FLG: variants seen among roughly 807,000 people sequenced by gnomAD.
FLG encodes epidermal filaggrin.
Under a neutral mutation model 3.8 loss-of-function variants are expected in FLG, and 6 were observed. The ratio of observed to expected loss-of-function variants is 1.60; its 90% CI spans 0.87 to 3.15. The LOEUF is 3.15. FLG is among the 30% of genes most tolerant of loss of function. The probability of loss-of-function intolerance (pLI) is 0.00; values close to 1 mark genes in which losing one functional copy is unlikely to be tolerated. For synonymous variants in FLG, 2,551 were observed against 1,931.6 expected, an observed-to-expected ratio of 1.32 and a Z score of -8.41; for missense variants, 7,595 against 5,050.9, an observed-to-expected ratio of 1.50 and a Z score of -15.27.
In FLG at chr1:152,315,309, A is replaced by G; in HGVS notation, c.138+10T>C. On this transcript the variant is annotated intron_variant, in intron 2 of 2. Coordinates refer to ENST00000368799, the MANE Select transcript of FLG (RefSeq NM_002016.2). Reference sequence around the variant, plus strand: ...AATGCTCTATCTTTGGTCTTGTCAGAGACTCTTACCTTCAGGATTTGCCGA... The same window carrying G: ...AATGCTCTATCTTTGGTCTTGTCAGGGACTCTTACCTTCAGGATTTGCCGA... 1 of 1,612,894 alleles carries G rather than the reference A, an allele frequency of 6.2e-7. No individual in the cohort carries two copies. Among genetic ancestry groups the G allele is most frequent in the Non-Finnish European group, 8.5e-7 (1 of 1,179,202 alleles).
In FLG at chr1:152,311,839, C is replaced by T; in HGVS notation, c.3047G>A (p.Gly1016Glu). The T allele has an allele frequency of 6.8e-6, 11 of 1,614,080 alleles. No individual in the cohort carries two copies. Among genetic ancestry groups the T allele is most frequent in the Non-Finnish European group, 9.3e-6 (11 of 1,180,004 alleles). Residue 1016 changes from glycine to glutamate, a missense_variant, in exon 3 of 3, where the codon GGA becomes GAA. Transcript: ENST00000368799. ...GTPHAETSSG[G>E]QAASSHEQAR... is the part of the protein sequence containing the mutation. The stretch of plus-strand genomic sequence containing the variant: ...CTGTTCATGGGATGACGCAGCCTGT[C>T]CACCAGAGGAAGTCTCTGCGTGAGG...
rs2101637757 is a variant in FLG at position 152,305,201 on chromosome 1, CAG to C, written c.9683_9684del (p.Ser3228Ter). 3.1e-6 allele frequency: 5 copies of C among 1,613,696 alleles called. No individual in the cohort carries two copies. The highest frequency in any genetic ancestry group is 4.2e-6 in the Non-Finnish European group (5 of 1,179,954). ...DSDSEGHSED[S>X]ERWSGSASRN... ...CTGGAAGCAGACCCAGACCACCTCT[CAG>C]AGTCTTCTGAATGTCCCTCACTGTC... On this transcript the variant is annotated frameshift_variant, in exon 3 of 3. Coordinates refer to ENST00000368799, the MANE Select transcript of FLG (RefSeq NM_002016.2). LOFTEE classifies it low-confidence loss of function (END_TRUNC).
In FLG at chr1:152,311,508, C is replaced by A. The variant is rs374063170; in HGVS notation, c.3378G>T (p.Gln1126His). Residue 1126 changes from glutamine to histidine, a missense_variant, in exon 3 of 3, where the codon CAG becomes CAT. Coordinates refer to ENST00000368799, the MANE Select transcript of FLG (RefSeq NM_002016.2). ...SFIYQVSTHE[Q>H]SESAHGRTRT... The stretch of plus-strand genomic sequence containing the variant: ...TGGTCCGCCCATGGGCAGACTCAGA[C>A]TGTTCATGAGTGCTCACCTGGTAGA... The A allele has an allele frequency of 6.2e-7, 1 of 1,613,960 alleles. No individual in the cohort carries two copies.
chr1:152,319,981 A>G (rs191164394), intron 1 of FLG, among the ~76,000 whole-genome samples: 3 of 151,478 alleles, frequency 2.0e-5, no homozygotes, highest in East Asian at 3.9e-4. Flanking sequence ...AATCCCAGAT[A>G]AGGCAGTGAG....
Position 152,310,584 on chromosome 1 carries a change from G to T in FLG, c.4302C>A (p.Ser1434Arg). 2 of 1,613,790 alleles carry T rather than the reference G, an allele frequency of 1.2e-6. No individual in the cohort carries two copies. The highest frequency in any genetic ancestry group is 8.5e-7 in the Non-Finnish European group (1 of 1,179,906). ...AGAGGAAAGACCTTGAACGTCCAGA[G>T]CTTTCCCCTGACTGGCCACGTGCGG... ...KESARGQSGESSGRSRSFLYQ... is the reference protein window; with the variant it reads ...KESARGQSGERSGRSRSFLYQ... Residue 1434 changes from serine to arginine, a missense_variant, in exon 3 of 3, where the codon AGC becomes AGA. Physicochemically the swap from Ser to Arg is moderately radical, Grantham distance 110 (BLOSUM62 -1). Transcript: ENST00000368799.
At position 152,304,768 on chromosome 1, in the gene FLG, C is replaced by T. The variant is rs550252644; in HGVS notation, c.10118G>A (p.Arg3373His). Residue 3373 changes from arginine to histidine, a missense_variant, in exon 3 of 3, where the codon CGT (arginine) becomes CAT (histidine). Physicochemically the swap from Arg to His is conservative, Grantham distance 29. Coordinates refer to ENST00000368799, the MANE Select transcript of FLG (RefSeq NM_002016.2). ...TCCAGACCTTCCCCCTGACCGGTCACGTGCGGACTCTTGGTGGCTCTGCTG... is the reference window on the plus strand; with the variant it reads ...TCCAGACCTTCCCCCTGACCGGTCATGTGCGGACTCTTGGTGGCTCTGCTG... ...PHQQSHQESA[R>H]DRSGGRSGRS... is the part of the protein sequence containing the mutation. The T allele has an allele frequency of 1.2e-5, 20 of 1,613,716 alleles. No homozygotes were observed. The highest frequency in any genetic ancestry group is 9.3e-5 in the African/African-American group (7 of 74,942).
Position 152,308,272 on chromosome 1 carries a change from T to G in FLG, c.6614A>C (p.His2205Pro). The G allele has an allele frequency of 6.2e-7, 1 of 1,613,124 alleles. No homozygotes were observed. Among genetic ancestry groups the G allele is most frequent in the South Asian group, 1.1e-5 (1 of 91,046 alleles). ...DKEQSGDGSRHSGSHHHEASS... is the reference protein window; with the variant it reads ...DKEQSGDGSRPSGSHHHEASS... ...AGCTTCATGATGATGCGACCCTGAG[T>G]GCCTAGAGCCATCTCCTGATTGTTC... The change falls in exon 3 of 3, where the codon CAC becomes CCC. Residue 2205 changes from histidine (H) to proline (P), a missense_variant. By Grantham distance (77) the His-to-Pro change is moderately conservative. Coordinates refer to ENST00000368799, the MANE Select transcript of FLG (RefSeq NM_002016.2).
In FLG at chr1:152,309,118, TC is replaced by T; in HGVS notation, c.5767del (p.Asp1923ThrfsTer172). Reference sequence around the variant, plus strand: ...AGAGTCTTCTGAGTGTCCCTGACTGTCACTGTCCTGGCTAACACTGGATCCC... The same window carrying T: ...AGAGTCTTCTGAGTGTCCCTGACTGTACTGTCCTGGCTAACACTGGATCCC... ...NQGSSVSQDSDSQGHSEDSER... is the reference protein window; with the variant it reads ...NQGSSVSQDSXSQGHSEDSER... On this transcript the variant is annotated frameshift_variant, in exon 3 of 3. Transcript: ENST00000368799. LOFTEE classifies it low-confidence loss of function (END_TRUNC). 6.2e-7 allele frequency: 1 copy of T among 1,613,828 alleles called. No individual in the cohort carries two copies. Among genetic ancestry groups the T allele is most frequent in the South Asian group, 1.1e-5 (1 of 91,078 alleles).
intron 1 of FLG, among the ~76,000 whole-genome samples, 190 bp from the exon 2 acceptor site, chr1:152,315,667 A>G (rs1213980007): frequency 6.6e-6 from 1 of 152,206 alleles, no homozygotes; most frequent in African/African-American, 2.4e-5. Context: ...CCTGACTTAA[A>G]TAAAATTGCC....
rs377051179 is a variant in FLG at position 152,302,907 on chromosome 1, G to T, written c.11979C>A (p.His3993Gln). The T allele has an allele frequency of 5.0e-6, 8 of 1,614,206 alleles. No individual in the cohort carries two copies. Among genetic ancestry groups the T allele is most frequent in the Non-Finnish European group, 6.8e-6 (8 of 1,180,036 alleles). ...TGTAACTAACACTTCCGTGCTGAGA[G>T]TGTCTAAACCCGGATTCACCATAAT... Reference protein sequence around the residue: ...DYDYGESGFRHSQHGSVSYNS... With the variant: ...DYDYGESGFRQSQHGSVSYNS... Residue 3993 changes from histidine (H) to glutamine (Q), a missense_variant, in exon 3 of 3, where the codon CAC (histidine) becomes CAA (glutamine). By Grantham distance (24) the His-to-Gln change is conservative (BLOSUM62 0). Coordinates refer to ENST00000368799, the MANE Select transcript of FLG (RefSeq NM_002016.2).
In FLG at chr1:152,304,878, A is replaced by G. The variant is rs1651842802; in HGVS notation, c.10008T>C (p.Ser3336=). 2.5e-6 allele frequency: 4 copies of G among 1,613,380 alleles called. No homozygotes were observed. Among genetic ancestry groups the G allele is most frequent in the African/African-American group, 1.3e-5 (1 of 74,794 alleles). Residue 3336 remains serine (S), a synonymous_variant, in exon 3 of 3, where the codon AGT becomes AGC. Coordinates refer to ENST00000368799, the MANE Select transcript of FLG (RefSeq NM_002016.2). The stretch of plus-strand genomic sequence containing the variant: ...CCTCACTATCACTGGCCTGACTACC[A>G]CTGGACCCCCAGTGTCTACTGTCTC... ...AVRDSRHWGS[S]GSQASDSEGH...
chr1:152,302,580 A>AT lies in FLG; in HGVS notation c.*119dup. ...CACCAAACTAATGAAATACTATAGC[A>AT]TATTTTAAACAGATTGACAGGAAAA... is the stretch of plus-strand genomic sequence containing the variant. On this transcript the variant is annotated 3_prime_UTR_variant, in exon 3 of 3. Transcript: ENST00000368799. The AT allele has an allele frequency of 1.6e-6, 2 of 1,273,986 alleles. No homozygotes were observed. Among genetic ancestry groups the AT allele is most frequent in the Non-Finnish European group, 2.2e-6 (2 of 927,940 alleles). The allele number at this position is 1,273,986 out of a possible 1,614,324, so 78.9% of individuals were successfully genotyped here. A position where few individuals can be genotyped will look rare whatever the true frequency, so the allele number is the denominator to read the frequency against.
chr1:152,308,241 A>G lies in FLG; in HGVS notation c.6645T>C (p.Ser2215=). 3.1e-6 allele frequency: 5 copies of G among 1,613,988 alleles called. No individual in the cohort carries two copies. In the East Asian group the frequency reaches 1.1e-4, roughly 36 times the overall value. ...GTGAGTGTCTAGAGCTGTCGGCCCA[A>G]GAGGAAGCTTCATGATGATGCGACC... The part of the protein sequence containing the change: ...HSGSHHHEAS[S]WADSSRHSLV... The change falls in exon 3 of 3, where the codon TCT becomes TCC. Residue 2215 remains serine (S), a synonymous_variant. Coordinates refer to ENST00000368799, the MANE Select transcript of FLG (RefSeq NM_002016.2).
Position 152,311,438 on chromosome 1 carries a change from G to C in FLG, c.3448C>G (p.Arg1150Gly), listed in dbSNP as rs755996559. 1.2e-6 allele frequency: 2 copies of C among 1,613,690 alleles called. No individual in the cohort carries two copies. The highest frequency in any genetic ancestry group is 2.7e-5 in the African/African-American group (2 of 74,908). ...GACGCTGAGTGCCTGGAGCTGTCTC[G>C]TGCCTGCTCGTGGTGGGATCCTTGT... is the stretch of plus-strand genomic sequence containing the variant. The part of the protein sequence containing the change: ...RRQGSHHEQA[R>G]DSSRHSASQE... Residue 1150 changes from arginine (R) to glycine (G), a missense_variant, in exon 3 of 3, where the codon CGA becomes GGA. Physicochemically the swap from Arg to Gly is moderately radical, Grantham distance 125. Transcript: ENST00000368799.
In FLG at chr1:152,303,898, T is replaced by C. The variant is rs757622402; in HGVS notation, c.10988A>G (p.Gln3663Arg). ...TGAATGTCCCTCACTGTCACTGGCC[T>C]GACTACCACTGGACCCTCGGTGTCC... ...DSGHRGSSGS[Q>R]ASDSEGHSED... The change falls in exon 3 of 3, where the codon CAG (glutamine) becomes CGG (arginine). Residue 3663 changes from glutamine to arginine, a missense_variant. Gln to Arg is a conservative substitution (Grantham distance 43). Transcript: ENST00000368799. 2.0e-5 allele frequency: 33 copies of C among 1,613,802 alleles called. No individual in the cohort carries two copies. Among genetic ancestry groups the C allele is most frequent in the Non-Finnish European group, 2.5e-5 (29 of 1,180,002 alleles).
Position 152,312,306 on chromosome 1 carries a change from C to T in FLG, c.2580G>A (p.Ser860=), listed in dbSNP as rs146300888. 7,188 of 1,613,388 alleles carry T rather than the reference C, an allele frequency of 4.5e-3. 39 individuals are homozygous for T. The highest frequency in any genetic ancestry group is 5.4e-3 in the Non-Finnish European group (6,354 of 1,179,772). The change falls in exon 3 of 3, where the codon TCG becomes TCA. Residue 860 remains serine, a synonymous_variant. Transcript: ENST00000368799. The part of the protein sequence containing the change: ...RGRQGSHHEQ[S]VDRSGHSGSH... ...ACCCTGAGTGTCCAGACCTATCTAC[C>T]GATTGCTCGTGGTGGGACCCCTGCC... is the stretch of plus-strand genomic sequence containing the variant.
rs754760489 is a variant in FLG at position 152,308,502 on chromosome 1, G to A, written c.6384C>T (p.His2128=). 5 of 1,613,686 alleles carry A rather than the reference G, an allele frequency of 3.1e-6. No individual in the cohort carries two copies. Among genetic ancestry groups the A allele is most frequent in the Admixed American group, 1.7e-5 (1 of 59,980 alleles). Reference sequence around the variant, plus strand: ...TGTCCTGACCCTCTTGGGATGCTGAGTGCCTGGAGCTGTCTTGTGCCTGAT... The same window carrying A: ...TGTCCTGACCCTCTTGGGATGCTGAATGCCTGGAGCTGTCTTGTGCCTGAT... The part of the protein sequence containing the change: ...HYDQAQDSSR[H]SASQEGQDTI... The change falls in exon 3 of 3, where the codon CAC becomes CAT. Residue 2128 remains histidine (H), a synonymous_variant. Transcript: ENST00000368799.
chr1:152,325,090 C>A (rs1000465903), intron 1 of FLG, 99 bp downstream of exon 1: 8 of 151,790 alleles, frequency 5.3e-5, no homozygotes, highest in Non-Finnish European at 1.5e-5. Flanking sequence ...AAGAGAAAAA[C>A]CCTAAACTTC....
chr1:152,309,796 G>T lies in FLG; in HGVS notation c.5090C>A (p.Thr1697Asn). ...TACAGATGAATCTTGTCTGCGCCCA[G>T]TGCCTGAGTCTGTGGAGCTGTCTGC... ...QSADSSTDSG[T>N]GRRQDSSVVG... is the part of the protein sequence containing the mutation. The change falls in exon 3 of 3, where the codon ACT becomes AAT. Residue 1697 changes from threonine (T) to asparagine (N), a missense_variant. Thr to Asn is a moderately conservative substitution (Grantham distance 65). Coordinates refer to ENST00000368799, the MANE Select transcript of FLG (RefSeq NM_002016.2). The T allele has an allele frequency of 6.2e-7, 1 of 1,613,998 alleles. No homozygotes were observed. Among genetic ancestry groups the T allele is most frequent in the Non-Finnish European group, 8.5e-7 (1 of 1,179,998 alleles).
Sources: gnomAD v4.1 joint callset for allele counts (sites outside exome capture counted in the v4.1 genomes callset) on GRCh38, gnomAD v4.1.1 for gene constraint, MANE v1.5 for transcripts, NCBI Gene and HGNC (gene_info 2026-07-23, HGNC 2026-07-21) for gene names.